ZFAND3: variants seen among roughly 807,000 people sequenced by gnomAD.
The protein encoded by ZFAND3 is AN1-type zinc finger protein 3.
In ZFAND3, 10 loss-of-function variants were observed where a neutral mutation model predicts 29.6. That is an observed-to-expected ratio of 0.34 (90% CI 0.21 to 0.57). ZFAND3 has a LOEUF of 0.57. Ranked by LOEUF, ZFAND3 falls within the 20% of genes least tolerant of loss-of-function variation. ZFAND3 has a pLI of 0.86. For synonymous variants in ZFAND3, 128 were observed against 112.6 expected (o/e 1.14, Z -0.87); for missense variants, 230 against 304.5 (o/e 0.76, Z 1.82).
At chr6:38,018,573 CCTTTT>C (rs1763290805) in intron 2 of ZFAND3, among the ~76,000 whole-genome samples, 1 of 152,002 alleles carries the variant, frequency 6.6e-6, no homozygotes, top group Non-Finnish European at 1.5e-5. Flanking sequence ...TCTGCTGTGC[CCTTTT>C]CTTTCTACTC....
At chr6:38,056,661 C>T (rs954667310) in intron 2 of ZFAND3, among the ~76,000 whole-genome samples, 18 of 152,158 alleles carry the variant, frequency 1.2e-4, no homozygotes, top group Non-Finnish European at 2.6e-4. Flanking sequence ...AGAAGATTGA[C>T]GTGTGAAAAA....
intron 2 of ZFAND3, among the ~76,000 whole-genome samples, chr6:37,990,896 G>A (rs979970028): frequency 8.5e-5 from 13 of 152,162 alleles, no homozygotes; most frequent in African/African-American, 3.1e-4. Context: ...AGTTATAGAC[G>A]TGGAAGTAAG....
rs184389986 is a variant in ZFAND3 at position 37,863,784 on chromosome 6, C to T, written c.71+43768C>T. Among the ~76,000 whole-genome samples the T allele has an allele frequency of 3.7e-4, 56 of 152,278 alleles. 1 individual carries two copies. The highest frequency in any genetic ancestry group is 3.3e-3 in the Admixed American group (50 of 15,300). On this transcript the variant is annotated intron_variant, in intron 1 of 5. Coordinates refer to ENST00000287218, the MANE Select transcript of ZFAND3 (RefSeq NM_021943.3). ...GTAGCGTTTGGACAATATGCCAAAT[C>T]CTGTCACATCACATTGTTGCTCTAA...
At chr6:37,820,387 C>T (rs1418240238) in intron 1 of ZFAND3, among the ~76,000 whole-genome samples, 1 of 152,198 alleles carries the variant, frequency 6.6e-6, no homozygotes, top group Non-Finnish European at 1.5e-5. Context: ...CCAGCCCTTC[C>T]TCCCTCCCGG....
intron 2 of ZFAND3, among the ~76,000 whole-genome samples, chr6:37,963,831 A>G (rs1027335382): frequency 6.6e-6 from 1 of 152,194 alleles, no homozygotes; most frequent in Non-Finnish European, 1.5e-5. Flanking sequence ...TATTGGATAT[A>G]GTACTCTCTC....
chr6:37,832,236 G>A (rs935190795), intron 1 of ZFAND3, among the ~76,000 whole-genome samples: 3 of 152,134 alleles, frequency 2.0e-5, no homozygotes, highest in Admixed American at 6.5e-5. Context: ...TGAAGAGGGG[G>A]CTTAAGTTTA....
At chr6:38,040,977 C>T (rs1169519247) in intron 2 of ZFAND3, among the ~76,000 whole-genome samples, 2 of 152,188 alleles carry the variant, frequency 1.3e-5, no homozygotes, top group East Asian at 3.8e-4. Flanking sequence ...CTCCCCCTGC[C>T]ATCAAGTTCT....
chr6:38,064,736 G>A (rs973938131), intron 3 of ZFAND3, among the ~76,000 whole-genome samples: 3 of 141,988 alleles, frequency 2.1e-5, no homozygotes, highest in East Asian at 2.0e-4. Context: ...TACTAGCTTC[G>A]TTTCCTTTCT....
At chr6:37,914,064 T>C (rs1405170447) in intron 1 of ZFAND3, among the ~76,000 whole-genome samples, 2 of 152,038 alleles carry the variant, frequency 1.3e-5, no homozygotes, top group Non-Finnish European at 2.9e-5. Flanking sequence ...TTAATAAGAC[T>C]TGAAAGCTGA....
chr6:37,943,094 A>G (rs907692485), intron 2 of ZFAND3, among the ~76,000 whole-genome samples: 7 of 151,556 alleles, frequency 4.6e-5, no homozygotes, highest in African/African-American at 1.7e-4. Flanking sequence ...ATCATGTTGA[A>G]AAAAAAGGTT....
intron 2 of ZFAND3, among the ~76,000 whole-genome samples, chr6:38,009,934 C>T (rs564810967): frequency 8.6e-5 from 13 of 151,912 alleles, no homozygotes; most frequent in African/African-American, 2.9e-4. Context: ...GGTGGGGGCG[C>T]AAGAGAAAAA....
intron 1 of ZFAND3, among the ~76,000 whole-genome samples, chr6:37,848,511 A>G (rs551468760): frequency 8.5e-4 from 129 of 152,344 alleles, no homozygotes; most frequent in African/African-American, 3.0e-3. Flanking sequence ...TATTCTGCCT[A>G]TGTGCACTAT....
chr6:38,038,393 T>G (rs532474397), intron 2 of ZFAND3, among the ~76,000 whole-genome samples: 1 of 152,332 alleles, frequency 6.6e-6, no homozygotes, highest in South Asian at 2.1e-4. Flanking sequence ...GATTCTGACC[T>G]TTTATTTCAT....
At chr6:37,952,209 G>C (rs954907485) in intron 2 of ZFAND3, among the ~76,000 whole-genome samples, 1 of 152,094 alleles carries the variant, frequency 6.6e-6, no homozygotes, top group Admixed American at 6.5e-5. Context: ...GAATGATGCT[G>C]ACCTCATAGA....
chr6:38,139,927 C>T (rs1001492113), intron 5 of ZFAND3, among the ~76,000 whole-genome samples: 1 of 152,082 alleles, frequency 6.6e-6, no homozygotes, highest in Non-Finnish European at 1.5e-5. Context: ...TAGGTGGTGG[C>T]AGTAGAGATG....
chr6:37,977,183 T>A (rs1385413127), intron 2 of ZFAND3, among the ~76,000 whole-genome samples: 1 of 152,218 alleles, frequency 6.6e-6, no homozygotes, highest in African/African-American at 2.4e-5. Flanking sequence ...AAATATAATC[T>A]TATGGGACCC....
intron 2 of ZFAND3, among the ~76,000 whole-genome samples, chr6:38,018,399 T>C (rs1359975031): frequency 2.0e-5 from 3 of 152,218 alleles, no homozygotes; most frequent in African/African-American, 4.8e-5. Context: ...TCAAAACATA[T>C]AACGTTTTAT....
At chr6:38,080,336 T>C (rs1764637105) in intron 3 of ZFAND3, among the ~76,000 whole-genome samples, 2 of 151,604 alleles carry the variant, frequency 1.3e-5, no homozygotes, top group South Asian at 4.1e-4. Flanking sequence ...ATATAATCTG[T>C]TACTCTTCTG....
chr6:38,012,154 A>G (rs116205108), intron 2 of ZFAND3, among the ~76,000 whole-genome samples: 2,227 of 152,232 alleles, frequency 0.015, 45 homozygotes, highest in African/African-American at 0.049. Context: ...TAATGTAAGC[A>G]TCTCCGTTCC....
Sources: gnomAD v4.1 joint callset for allele counts (sites outside exome capture counted in the v4.1 genomes callset) on GRCh38, gnomAD v4.1.1 for gene constraint, MANE v1.5 for transcripts, NCBI Gene and HGNC (gene_info 2026-07-23, HGNC 2026-07-21) for gene names.